Variants in PRKG1 observed in about 807,000 individuals in gnomAD.
The protein encoded by PRKG1 is protein kinase cGMP-dependent 1.
PRKG1 carries 35 observed loss-of-function variants against 88.1 expected under a neutral mutation model. That is an observed-to-expected ratio of 0.40 (90% CI 0.30 to 0.53). The LOEUF is 0.53. Among genes scored for constraint, PRKG1 ranks in the 20% least tolerant of loss-of-function variants. The pLI is 0.59. For missense variants in PRKG1, 540 were observed against 839.8 expected (o/e 0.64, Z 4.41); for synonymous variants, 303 against 292.5 (o/e 1.04, Z -0.37).
chr10:52,161,093 G>A (rs1412458053), intron 8 of PRKG1, among the ~76,000 whole-genome samples: 3 of 151,822 alleles, frequency 2.0e-5, no homozygotes, highest in African/African-American at 4.8e-5. Context: ...AAGAGTTACT[G>A]TATCTGGTTG....
chr10:52,093,133 A>C lies in PRKG1; in HGVS notation c.935+30502A>C, dbSNP rs1404440769. On this transcript the variant is annotated intron_variant, in intron 7 of 17. Coordinates refer to ENST00000373980, the MANE Select transcript of PRKG1 (RefSeq NM_006258.4). Reference sequence around the variant, plus strand: ...AGAACCACTGTTAGGGTTTCCTGGCACTTGTTTAACTTTCATTGTTAGAAA... The same window carrying C: ...AGAACCACTGTTAGGGTTTCCTGGCCCTTGTTTAACTTTCATTGTTAGAAA... Among the ~76,000 whole-genome samples, 4 of 152,270 alleles carry C rather than the reference A, an allele frequency of 2.6e-5. No individual in the cohort carries two copies. The East Asian group carries it at 7.7e-4, about 29-fold the overall frequency.
chr10:51,633,945 G>A (rs1452318065), intron 3 of PRKG1, among the ~76,000 whole-genome samples: 1 of 152,100 alleles, frequency 6.6e-6, no homozygotes, highest in South Asian at 2.1e-4. Context: ...TAATAATTTA[G>A]AAGGGCTCTG....
At chr10:51,101,031 C>T (rs145206393) in intron 1 of PRKG1, among the ~76,000 whole-genome samples, 1 of 152,236 alleles carries the variant, frequency 6.6e-6, no homozygotes, top group East Asian at 1.9e-4. Flanking sequence ...GTTCTCATCC[C>T]TCTCGCTAGG....
intron 9 of PRKG1, among the ~76,000 whole-genome samples, chr10:52,179,506 C>A (rs2132724859): frequency 6.6e-6 from 1 of 152,144 alleles, no homozygotes; most frequent in East Asian, 1.9e-4. Context: ...TTTTCTCTTG[C>A]TGTTTTTAGA....
chr10:51,325,845 C>G (rs1003921322), intron 2 of PRKG1, among the ~76,000 whole-genome samples: 13 of 152,132 alleles, frequency 8.5e-5, no homozygotes, highest in African/African-American at 3.1e-4. Flanking sequence ...CTCAGGGGCC[C>G]AGTCTCAGCT....
chr10:51,160,258 A>G (rs1199941770), intron 2 of PRKG1, among the ~76,000 whole-genome samples: 2 of 152,166 alleles, frequency 1.3e-5, no homozygotes, highest in African/African-American at 4.8e-5. Context: ...TTTTGCACGT[A>G]TTCTTCTACC....
chr10:51,213,624 G>T (rs1437008523), intron 2 of PRKG1, among the ~76,000 whole-genome samples: 1 of 152,172 alleles, frequency 6.6e-6, no homozygotes, highest in Non-Finnish European at 1.5e-5. Flanking sequence ...CATGCCTGGT[G>T]AAGTCATTGT....
At chr10:51,286,420 A>G (rs1840443154) in intron 2 of PRKG1, among the ~76,000 whole-genome samples, 1 of 151,966 alleles carries the variant, frequency 6.6e-6, no homozygotes. Flanking sequence ...TCCATTTTAT[A>G]CCTTTTCCCT....
chr10:52,283,751 A>G (rs1415715300), intron 14 of PRKG1, among the ~76,000 whole-genome samples: 1 of 152,052 alleles, frequency 6.6e-6, no homozygotes, highest in Non-Finnish European at 1.5e-5. Context: ...GTAGAAGGTT[A>G]AATTTAACAT....
chr10:51,653,858 A>T lies in PRKG1; in HGVS notation c.593-150727A>T, dbSNP rs117967213. Among the ~76,000 whole-genome samples the T allele has an allele frequency of 7.9e-5, 12 of 152,292 alleles. No homozygotes were observed. In the East Asian group the frequency reaches 2.3e-3, roughly 29 times the overall value. ...GCTAGGATTACAGGCATGAGCCACC[A>T]CAGCTGGCCTCTTTGCCTATTTTTA... On this transcript the variant is annotated intron_variant, in intron 3 of 17. Transcript: ENST00000373980.
At chr10:51,143,824 T>A (rs527393757) in intron 1 of PRKG1, among the ~76,000 whole-genome samples, 2 of 151,672 alleles carry the variant, frequency 1.3e-5, no homozygotes, top group Non-Finnish European at 2.9e-5. Flanking sequence ...GTTATTTGGG[T>A]TTTTTTTGCT....
At chr10:51,315,566 GC>G (rs1309222264) in intron 2 of PRKG1, among the ~76,000 whole-genome samples, 1 of 152,076 alleles carries the variant, frequency 6.6e-6, no homozygotes, top group East Asian at 1.9e-4. Context: ...TTTGAATTTG[GC>G]CGAGGCACTG....
intron 4 of PRKG1, among the ~76,000 whole-genome samples, chr10:51,903,190 G>A (rs768210829): frequency 3.3e-5 from 5 of 152,070 alleles, no homozygotes; most frequent in Admixed American, 6.6e-5. Context: ...GAGGGTTGTC[G>A]TAAAATGAGA....
At chr10:51,648,331 A>C (rs1839962618) in intron 3 of PRKG1, among the ~76,000 whole-genome samples, 1 of 152,200 alleles carries the variant, frequency 6.6e-6, no homozygotes, top group Non-Finnish European at 1.5e-5. Flanking sequence ...TTAATGAAAC[A>C]GAATTATTTT....
intron 9 of PRKG1, among the ~76,000 whole-genome samples, chr10:52,195,233 GT>G (rs10712163): frequency 0.99 from 147,693 of 148,604 alleles, 73,395 homozygotes; most frequent in East Asian, 1. Flanking sequence ...TCCTGTTTTT[GT>G]TTTTTTTTTT....
At chr10:51,540,656 A>G (rs945037008) in intron 3 of PRKG1, among the ~76,000 whole-genome samples, 3 of 152,150 alleles carry the variant, frequency 2.0e-5, no homozygotes, top group African/African-American at 4.8e-5. Context: ...TTAAGTAATC[A>G]TGACTATTGT....
At chr10:51,720,482 G>A (rs533783744) in intron 3 of PRKG1, among the ~76,000 whole-genome samples, 7 of 152,180 alleles carry the variant, frequency 4.6e-5, no homozygotes, top group South Asian at 2.1e-4. Flanking sequence ...GAGTTTTACC[G>A]TCATCACCAC....
intron 2 of PRKG1, among the ~76,000 whole-genome samples, chr10:51,252,397 T>C (rs1178610478): frequency 1.3e-5 from 2 of 151,778 alleles, no homozygotes; most frequent in African/African-American, 2.4e-5. Context: ...TGCATGTTTT[T>C]TATAATAGAG....
chr10:51,244,647 A>G (rs996896124), intron 2 of PRKG1, among the ~76,000 whole-genome samples: 1 of 152,018 alleles, frequency 6.6e-6, no homozygotes, highest in African/African-American at 2.4e-5. Context: ...AAACTTATGT[A>G]TTTTCAAATT....
Sources: allele counts gnomAD v4.1 joint callset (sites outside exome capture counted in the v4.1 genomes callset), GRCh38; gene constraint gnomAD v4.1.1; transcripts MANE v1.5; gene names NCBI Gene and HGNC (gene_info 2026-07-23, HGNC 2026-07-21).